Variants in MAF observed in about 807,000 individuals in gnomAD.
MAF encodes transcription factor Maf.
In MAF, 10 loss-of-function variants were observed where a neutral mutation model predicts 22.0. The ratio of observed to expected loss-of-function variants is 0.45; its 90% CI spans 0.28 to 0.77. MAF has a LOEUF of 0.77. Ranked by LOEUF, MAF falls within the 30% of genes least tolerant of loss-of-function variation. The pLI is 0.12. For missense variants in MAF, 544 were observed against 548.4 expected (o/e 0.99, Z 0.08); for synonymous variants, 337 against 255.8 (o/e 1.32, Z -3.03).
the MAF span, among the ~76,000 whole-genome samples, chr16:79,261,804 C>G: frequency 6.6e-6 from 1 of 152,208 alleles, no homozygotes; most frequent in Admixed American, 6.5e-5. Context: ...TTCATTGACA[C>G]TCCCATTAAT....
At chr16:79,386,318 G>A in the MAF span, among the ~76,000 whole-genome samples, 6 of 152,168 alleles carry the variant, frequency 3.9e-5, no homozygotes, top group Non-Finnish European at 5.9e-5. Flanking sequence ...TCCATCTGGG[G>A]GTGATGGGAG....
chr16:79,212,113 T>A, the MAF span: 13 of 1,535,636 alleles, frequency 8.5e-6, no homozygotes, highest in Non-Finnish European at 1.0e-5. Context: ...TCTCTTTCTT[T>A]TACTGTTATA....
the MAF span, among the ~76,000 whole-genome samples, chr16:79,571,530 ATTT>A: frequency 8.7e-4 from 90 of 103,872 alleles, no homozygotes; most frequent in African/African-American, 2.8e-3. Context: ...TCTCAGCGGA[ATTT>A]TTTTTTTTTT....
chr16:79,555,157 C>A, the MAF span, among the ~76,000 whole-genome samples: 31 of 152,278 alleles, frequency 2.0e-4, no homozygotes, highest in African/African-American at 7.2e-4. Context: ...AAGCAGTGGC[C>A]AGCTTGGTAC....
the MAF span, among the ~76,000 whole-genome samples, chr16:79,495,864 C>T: frequency 8.6e-4 from 131 of 152,192 alleles, 2 homozygotes; most frequent in East Asian, 5.2e-3. Context: ...ACCATGGACA[C>T]GGGAAGGAAC....
the MAF span, among the ~76,000 whole-genome samples, chr16:79,501,082 C>T: frequency 1.1e-4 from 16 of 152,248 alleles, 1 homozygote; most frequent in African/African-American, 2.6e-4. Context: ...AATGTATTCC[C>T]TCCCAGTTCT....
chr16:79,598,719 C>G, intron 1 of MAF, 66 bp downstream of exon 1: 1 of 1,606,264 alleles, frequency 6.2e-7, no homozygotes, highest in Non-Finnish European at 8.5e-7. Context: ...AGCAAGCCCA[C>G]ACCCGAGCCG....
At chr16:79,335,410 C>A in the MAF span, among the ~76,000 whole-genome samples, 1 of 152,158 alleles carries the variant, frequency 6.6e-6, no homozygotes, top group Non-Finnish European at 1.5e-5. Context: ...AGAGCTAAGT[C>A]AAGCTGAAAT....
the MAF span, among the ~76,000 whole-genome samples, chr16:79,410,801 T>G: frequency 1.3e-5 from 2 of 152,158 alleles, no homozygotes; most frequent in African/African-American, 4.8e-5. Flanking sequence ...CGTGTGACCA[T>G]AGATGGCAGA....
At chr16:79,248,182 T>A in the MAF span, among the ~76,000 whole-genome samples, 64 of 116,018 alleles carry the variant, frequency 5.5e-4, no homozygotes, top group African/African-American at 1.7e-3. Flanking sequence ...TTTTTTTTTT[T>A]AAATTAACTA....
chr16:79,334,929 G>A, the MAF span, among the ~76,000 whole-genome samples: 2 of 151,916 alleles, frequency 1.3e-5, no homozygotes, highest in East Asian at 1.9e-4. Context: ...GCTCACACCT[G>A]TAATCCCAGC....
chr16:79,549,453 G>T, the MAF span, among the ~76,000 whole-genome samples: 1 of 152,212 alleles, frequency 6.6e-6, no homozygotes, highest in East Asian at 1.9e-4. Context: ...AGCTAGAGCT[G>T]TACGTTCCTC....
chr16:79,345,079 A>G, the MAF span, among the ~76,000 whole-genome samples: 1 of 152,230 alleles, frequency 6.6e-6, no homozygotes, highest in African/African-American at 2.4e-5. Flanking sequence ...AAGTGTTTAG[A>G]ATCATGCTCA....
At chr16:79,234,031 G>C in the MAF span, among the ~76,000 whole-genome samples, 1 of 150,942 alleles carries the variant, frequency 6.6e-6, no homozygotes, top group Non-Finnish European at 1.5e-5. Flanking sequence ...GAATGGGTAA[G>C]ATCAAACACC....
the MAF span, among the ~76,000 whole-genome samples, chr16:79,230,392 C>T: frequency 1.3e-5 from 2 of 152,120 alleles, no homozygotes; most frequent in Admixed American, 6.6e-5. Context: ...AGTCACCATC[C>T]GCCTTGAAGG....
chr16:79,260,844 AAGTTG>A, the MAF span, among the ~76,000 whole-genome samples: 1 of 152,212 alleles, frequency 6.6e-6, no homozygotes, highest in Non-Finnish European at 1.5e-5. Flanking sequence ...AAAAAAAAAA[AAGTTG>A]AGTTCTTTTA....
chr16:79,283,730 T>A, the MAF span, among the ~76,000 whole-genome samples: 4 of 152,124 alleles, frequency 2.6e-5, no homozygotes, highest in African/African-American at 9.7e-5. Flanking sequence ...GAACTAATAT[T>A]CTGAAAATGA....
At chr16:79,356,317 C>T in the MAF span, among the ~76,000 whole-genome samples, 3 of 152,132 alleles carry the variant, frequency 2.0e-5, no homozygotes, top group African/African-American at 4.8e-5. Context: ...TTTTAACTAA[C>T]GAGCAGGAAA....
chr16:79,382,141 C>T, the MAF span, among the ~76,000 whole-genome samples: 1 of 152,190 alleles, frequency 6.6e-6, no homozygotes, highest in Non-Finnish European at 1.5e-5. Context: ...ATGCCACAAG[C>T]AAAGTCGCCA....
Sources: allele counts gnomAD v4.1 joint callset (sites outside exome capture counted in the v4.1 genomes callset), GRCh38; gene constraint gnomAD v4.1.1; transcripts MANE v1.5; gene names NCBI Gene and HGNC (gene_info 2026-07-23, HGNC 2026-07-21).